FAM193A: variants seen among roughly 807,000 people sequenced by gnomAD.
FAM193A encodes the protein protein FAM193A.
FAM193A carries 22 observed loss-of-function variants against 126.5 expected under a neutral mutation model. That is an observed-to-expected ratio of 0.17 (90% CI 0.12 to 0.25). The LOEUF is 0.25. Among genes scored for constraint, FAM193A ranks in the 10% least tolerant of loss-of-function variants. The probability of loss-of-function intolerance (pLI) is 1.00; values close to 1 mark genes in which losing one functional copy is unlikely to be tolerated. For missense variants in FAM193A, 1,675 were observed against 1,672.8 expected, an observed-to-expected ratio of 1.00 and a Z score of -0.02; for synonymous variants, 761 against 646.8, an observed-to-expected ratio of 1.18 and a Z score of -2.68.
intron 13 of FAM193A, among the ~76,000 whole-genome samples, chr4:2,686,419 C>T (rs565914366): frequency 6.6e-6 from 1 of 152,234 alleles, no homozygotes; most frequent in South Asian, 2.1e-4. Flanking sequence ...TAGTCTTGGC[C>T]CCTCTTTTCA....
chr4:2,660,505 G>C (rs933808193), intron 10 of FAM193A, among the ~76,000 whole-genome samples: 1 of 152,218 alleles, frequency 6.6e-6, no homozygotes, highest in African/African-American at 2.4e-5. Context: ...TTGTTGTGCA[G>C]CTGTCACCAA....
chr4:2,651,309 A>G (rs1395394138), intron 7 of FAM193A, among the ~76,000 whole-genome samples: 1 of 152,144 alleles, frequency 6.6e-6, no homozygotes, highest in Non-Finnish European at 1.5e-5. Context: ...CAGCCTAGGC[A>G]ACAAGAGTGA....
At chr4:2,678,549 G>A (rs527659866) in intron 13 of FAM193A, among the ~76,000 whole-genome samples, 1 of 151,912 alleles carries the variant, frequency 6.6e-6, no homozygotes, top group African/African-American at 2.4e-5. Flanking sequence ...TTTTAGTAGA[G>A]ACGGGGTTTC....
At chr4:2,669,636 G>A (rs1220571954) in intron 12 of FAM193A, among the ~76,000 whole-genome samples, 2 of 152,150 alleles carry the variant, frequency 1.3e-5, no homozygotes, top group Non-Finnish European at 2.9e-5. Context: ...AATAAATAGA[G>A]TGGTTGTTTT....
At chr4:2,694,475 G>T (rs552791029) in intron 16 of FAM193A, among the ~76,000 whole-genome samples, 1 of 151,958 alleles carries the variant, frequency 6.6e-6, no homozygotes, top group African/African-American at 2.4e-5. Context: ...CACCATGTTG[G>T]CCAGGCTGAT....
intron 1 of FAM193A, among the ~76,000 whole-genome samples, chr4:2,573,769 G>A (rs1252436306): frequency 6.6e-6 from 1 of 152,144 alleles, no homozygotes; most frequent in African/African-American, 2.4e-5. Flanking sequence ...AGCCTGTCCC[G>A]TGGCGGGAAG....
rs149042808 is a variant in FAM193A, at chr4:2,538,564, C to T, written c.255+1394C>T. 8.6e-3 allele frequency among the ~76,000 whole-genome samples: 1,306 copies of T among 151,950 alleles called. 15 individuals carry two copies. Among genetic ancestry groups the T allele is most frequent in the African/African-American group, 0.03 (1,253 of 41,452 alleles). ...CCTGGACTTCAGTCTCCCGAGATTG[C>T]CCTCATCCAGTATCCTGGAGATCAA... On this transcript the variant is annotated intron_variant, in intron 1 of 20. Coordinates refer to ENST00000637812, the MANE Select transcript of FAM193A (RefSeq NM_001366318.2).
At chr4:2,569,693 G>C (rs1739180857) in intron 1 of FAM193A, among the ~76,000 whole-genome samples, 1 of 151,814 alleles carries the variant, frequency 6.6e-6, no homozygotes, top group South Asian at 2.1e-4. Flanking sequence ...ATTTTTAAAA[G>C]CTGGTCTTGC....
At chr4:2,625,719 CTTTTTTTTT>C (rs35220520) in intron 3 of FAM193A, among the ~76,000 whole-genome samples, 1 of 79,316 alleles carries the variant, frequency 1.3e-5, no homozygotes, top group East Asian at 3.4e-4. Context: ...TGGAGCTCAT[CTTTTTTTTT>C]TTTTTTTTTT....
chr4:2,570,840 TCA>T (rs552227640), intron 1 of FAM193A, among the ~76,000 whole-genome samples: 71 of 152,330 alleles, frequency 4.7e-4, no homozygotes, highest in Non-Finnish European at 9.1e-4. Context: ...CAAGTCTCAC[TCA>T]CAGATGGGCC....
rs552558950 is a variant in FAM193A at position 2,668,785 on chromosome 4, CCT to C, written c.2080-3325_2080-3324del. Reference sequence around the variant, plus strand: ...GCCTTCTTTTCTTTCTTTTCCTTTTCCTCTCTCTCTCTTTCTCTCTCTCTCTC... The same window carrying C: ...GCCTTCTTTTCTTTCTTTTCCTTTTCCTCTCTCTCTTTCTCTCTCTCTCTC... On this transcript the variant is annotated intron_variant, in intron 12 of 20. Transcript: ENST00000637812. Among the ~76,000 whole-genome samples the C allele has an allele frequency of 4.7e-3, 716 of 151,080 alleles. 7 individuals are homozygous for C. Among genetic ancestry groups the C allele is most frequent in the Non-Finnish European group, 6.5e-3 (442 of 67,732 alleles).
chr4:2,553,500 C>T (rs557214043), intron 1 of FAM193A, among the ~76,000 whole-genome samples: 1 of 151,494 alleles, frequency 6.6e-6, no homozygotes, highest in South Asian at 2.1e-4. Flanking sequence ...CCTGCCTCAG[C>T]CCCCTGAGTA....
chr4:2,590,948 A>G (rs1268348478), intron 1 of FAM193A, among the ~76,000 whole-genome samples: 2 of 151,458 alleles, frequency 1.3e-5, no homozygotes, highest in Non-Finnish European at 2.9e-5. Flanking sequence ...AATCACTTGA[A>G]CCTGGGAGGT....
chr4:2,570,844 A>G (rs1198017307), intron 1 of FAM193A, among the ~76,000 whole-genome samples: 1 of 152,208 alleles, frequency 6.6e-6, no homozygotes, highest in Non-Finnish European at 1.5e-5. Context: ...TCTCACTCAC[A>G]GATGGGCCTT....
chr4:2,611,795 A>G (rs964659734), intron 2 of FAM193A, among the ~76,000 whole-genome samples: 4 of 151,562 alleles, frequency 2.6e-5, no homozygotes, highest in African/African-American at 9.7e-5. Flanking sequence ...ATTATACAGC[A>G]CTGTCCTCTG....
chr4:2,618,337 C>G (rs1742329873), intron 2 of FAM193A, among the ~76,000 whole-genome samples: 1 of 152,104 alleles, frequency 6.6e-6, no homozygotes, highest in African/African-American at 2.4e-5. Context: ...CACGTAGTCC[C>G]CTTTTTTTCT....
intron 1 of FAM193A, among the ~76,000 whole-genome samples, chr4:2,579,211 A>G (rs1739779732): frequency 1.3e-5 from 2 of 150,824 alleles, no homozygotes; most frequent in South Asian, 2.2e-4. Flanking sequence ...AAATGATATC[A>G]TGGCTGGGCG....
At chr4:2,683,783 C>T (rs997428186) in intron 13 of FAM193A, among the ~76,000 whole-genome samples, 1 of 152,232 alleles carries the variant, frequency 6.6e-6, no homozygotes, top group Non-Finnish European at 1.5e-5. Flanking sequence ...ATTCCACTTA[C>T]CAGGTGTTAT....
At chr4:2,696,666 C>T in intron 18 of FAM193A, 73 bp downstream of exon 18, 10 of 1,183,246 alleles carry the variant, frequency 8.5e-6, no homozygotes, top group Non-Finnish European at 1.2e-5. Context: ...ACGCCAGTCT[C>T]TAGGCAGGGC....
Sources: allele counts gnomAD v4.1 joint callset (sites outside exome capture counted in the v4.1 genomes callset), GRCh38; gene constraint gnomAD v4.1.1; transcripts MANE v1.5; gene names NCBI Gene and HGNC (gene_info 2026-07-23, HGNC 2026-07-21).